The following MAP3K13 variants were observed in gnomAD, a reference collection of about 807,000 sequenced individuals.
MAP3K13 encodes the protein mitogen-activated protein kinase kinase kinase 13.
MAP3K13 carries 52 observed loss-of-function variants against 104.0 expected under a neutral mutation model. That is an observed-to-expected ratio of 0.50 (90% confidence interval 0.40 to 0.63). The LOEUF (loss-of-function observed/expected upper bound fraction) is 0.63, where lower values mean the gene tolerates loss of function less well. Ranked by LOEUF, MAP3K13 falls within the 20% of genes least tolerant of loss-of-function variation. MAP3K13 has a pLI of 0.00. For missense variants in MAP3K13, 914 were observed against 1,218.5 expected (o/e 0.75, Z 3.72); for synonymous variants, 394 against 442.2 (o/e 0.89, Z 1.37).
intron 1 of MAP3K13, among the ~76,000 whole-genome samples, chr3:185,384,190 A>C (rs10937217): frequency 0.87 from 132,932 of 152,154 alleles, 58,309 homozygotes; most frequent in African/African-American, 0.9. Flanking sequence ...TGAATGAGAA[A>C]ACCTGGTATT....
chr3:185,287,325 T>C (rs1038640935), intron 2 of MAP3K13, among the ~76,000 whole-genome samples: 11 of 152,240 alleles, frequency 7.2e-5, no homozygotes, highest in Non-Finnish European at 7.3e-5. Flanking sequence ...ACAACTCTTA[T>C]TATTTTACTT....
At chr3:185,448,235 T>G in intron 5 of MAP3K13, 1 of 448,788 alleles carries the variant, frequency 2.2e-6, no homozygotes. Context: ...AATGATCATT[T>G]AGTATAGAAG....
At chr3:185,336,349 C>G (rs1431607220) in intron 2 of MAP3K13, among the ~76,000 whole-genome samples, 1 of 151,962 alleles carries the variant, frequency 6.6e-6, no homozygotes, top group Non-Finnish European at 1.5e-5. Flanking sequence ...CAAGACCAGC[C>G]TGGCCAACAT....
rs777207165 is a variant in MAP3K13 at position 185,285,569 on chromosome 3, A to G, written c.-160A>G. 2.4e-5 allele frequency: 36 copies of G among 1,513,150 alleles called. 1 individual carries two copies. In the South Asian group the frequency reaches 3.4e-4, roughly 14 times the overall value. 93.7% of individuals were successfully genotyped at this position (1,513,150 alleles called of 1,614,324 possible). On this transcript the variant is annotated 5_prime_UTR_variant, in exon 2 of 15. Coordinates refer to the MAP3K13 transcript ENST00000424227. ...TCTAAAATGGACTTCATTTAAAGAA[A>G]CCCACGGACCATTAATGGACAAAAA...
intron 7 of MAP3K13, among the ~76,000 whole-genome samples, chr3:185,456,211 C>G (rs1716735446): frequency 6.6e-6 from 1 of 151,978 alleles, no homozygotes; most frequent in African/African-American, 2.4e-5. Context: ...TACCAAAGTT[C>G]TAACACACCC....
rs1716252002 is a variant in MAP3K13, at chr3:185,454,723, ATGATATATATGATATATATAT to A, written c.1278+3329_1278+3349del. 8.5e-5 allele frequency among the ~76,000 whole-genome samples: 2 copies of A among 23,432 alleles called. 1 individual carries two copies. The highest frequency in any genetic ancestry group is 1.4e-4 in the African/African-American group (2 of 14,148). The allele number at this position is 23,432 out of a possible 152,430, so 15.4% of individuals were successfully genotyped here. A position where few individuals can be genotyped will look rare whatever the true frequency, so the allele number is the denominator to read the frequency against. On this transcript the variant is annotated intron_variant, in intron 7 of 13. Coordinates refer to ENST00000265026, the MANE Select transcript of MAP3K13 (RefSeq NM_004721.5). ...TATATATATCATATATGAGATATAT[ATGATATATATGATATATATAT>A]CATATATATGAGATATATATGACAT... is the stretch of plus-strand genomic sequence containing the variant.
At chr3:185,463,419 T>C (rs762420937) in intron 7 of MAP3K13, 131 bp from the exon 8 acceptor site, 38 of 583,864 alleles carry the variant, frequency 6.5e-5, no homozygotes, top group Non-Finnish European at 1.1e-4. Flanking sequence ...ATCATATTTA[T>C]TGAACATCTA....
In MAP3K13 at chr3:185,456,422, A is replaced by G. The variant is rs141846810; in HGVS notation, c.1278+5027A>G. 3.2e-3 allele frequency among the ~76,000 whole-genome samples: 486 copies of G among 152,226 alleles called. 2 individuals carry two copies. Among genetic ancestry groups the G allele is most frequent in the African/African-American group, 0.011 (455 of 41,536 alleles). ...CATTCAGATCAATTCCCTTAGCACT[A>G]TCGCCCATCTGTTCAGATACATGTA... is the stretch of plus-strand genomic sequence containing the variant. On this transcript the variant is annotated intron_variant, in intron 7 of 13. Coordinates refer to ENST00000265026, the MANE Select transcript of MAP3K13 (RefSeq NM_004721.5).
At chr3:185,429,318 G>T (rs1714614649) in intron 2 of MAP3K13, among the ~76,000 whole-genome samples, 1 of 152,016 alleles carries the variant, frequency 6.6e-6, no homozygotes, top group South Asian at 2.1e-4. Flanking sequence ...CAATCCATGG[G>T]ATTATAAGAA....
At position 185,365,404 on chromosome 3, in the gene MAP3K13, A is replaced by G. The variant is rs145512320; in HGVS notation, c.-86+2036A>G. Among the ~76,000 whole-genome samples, 263 of 152,340 alleles carry G rather than the reference A, an allele frequency of 1.7e-3. 8 individuals carry two copies. In the South Asian group the frequency reaches 0.018, roughly 10 times the overall value. On this transcript the variant is annotated intron_variant, in intron 1 of 13. Transcript: ENST00000265026. Reference sequence around the variant, plus strand: ...TCAAACCAGAGCCATGTCCTGGGGAACTGTCAAAAGAATGGTTCCTAAGGG... The same window carrying G: ...TCAAACCAGAGCCATGTCCTGGGGAGCTGTCAAAAGAATGGTTCCTAAGGG...
chr3:185,447,789 T>C lies in MAP3K13; in HGVS notation c.852T>C (p.Asn284=). 6.3e-7 allele frequency: 1 copy of C among 1,594,040 alleles called. No homozygotes were observed. Among genetic ancestry groups the C allele is most frequent in the Non-Finnish European group, 8.5e-7 (1 of 1,172,888 alleles). Residue 284 remains asparagine, a splice_region_variant and synonymous_variant, in exon 5 of 14, where the codon AAT becomes AAC. Transcript: ENST00000265026. ...KIIHRDLKSP[N]VLVTHTDAVK... ...GTTTTCTTTTTATTTCTTTTTAAAG[T>C]GTTTTAGTGACCCACACAGATGCGG...
chr3:185,337,394 A>G (rs1722545184), intron 2 of MAP3K13, among the ~76,000 whole-genome samples: 1 of 152,252 alleles, frequency 6.6e-6, no homozygotes, highest in Admixed American at 6.5e-5. Context: ...CTTTTCTCTA[A>G]TTTTCAATAA....
chr3:185,474,794 T>G (rs993227757), intron 11 of MAP3K13, among the ~76,000 whole-genome samples: 6 of 152,036 alleles, frequency 3.9e-5, no homozygotes, highest in Non-Finnish European at 8.8e-5. Context: ...CAGACAGACC[T>G]TACTTTAAAG....
chr3:185,476,098 C>G (rs57070032), intron 11 of MAP3K13, among the ~76,000 whole-genome samples: 71,555 of 151,842 alleles, frequency 0.47, 17,106 homozygotes, highest in Middle Eastern at 0.53. Context: ...AGAAAGAAAC[C>G]CCACACCCTT....
chr3:185,288,047 T>C (rs779343273), intron 2 of MAP3K13, among the ~76,000 whole-genome samples: 13 of 152,144 alleles, frequency 8.5e-5, no homozygotes, highest in Non-Finnish European at 1.5e-4. Context: ...ATATAGTCAT[T>C]TCTGTTAAAT....
intron 10 of MAP3K13, among the ~76,000 whole-genome samples, chr3:185,471,369 C>G (rs570840515): frequency 1.5e-5 from 2 of 133,634 alleles, no homozygotes; most frequent in East Asian, 4.6e-4. Context: ...TGGTCTCAAA[C>G]TCCTGGCCTC....
rs1461127251 is a variant in MAP3K13, at chr3:185,482,463, A to G, written c.*7A>G. 8.8e-6 allele frequency: 14 copies of G among 1,597,892 alleles called. No homozygotes were observed. Among genetic ancestry groups the G allele is most frequent in the Admixed American group, 1.7e-5 (1 of 59,980 alleles). On this transcript the variant is annotated 3_prime_UTR_variant, in exon 14 of 14. Transcript: ENST00000265026. This position sits in a 1 kb window ranked among gnomAD's most constrained non-coding sequence, Gnocchi z 4.5. ...CAGCTCTGCTACCTGGTAATGAAGG[A>G]ATACACATCCTGAAGATCTCGTGAC...
intron 13 of MAP3K13, 47 bp downstream of exon 13, chr3:185,480,576 C>G (rs760286361): frequency 6.3e-7 from 1 of 1,579,102 alleles, no homozygotes; most frequent in Non-Finnish European, 8.6e-7. Context: ...CTTTTTTGCT[C>G]TTTGGGGTTC....
intron 7 of MAP3K13, among the ~76,000 whole-genome samples, chr3:185,463,236 A>G (rs1717215761): frequency 6.6e-6 from 1 of 152,182 alleles, no homozygotes; most frequent in Non-Finnish European, 1.5e-5. Context: ...ATCTTGCCTT[A>G]AAGTGAACTC....
Sources: gnomAD v4.1 joint callset for allele counts (sites outside exome capture counted in the v4.1 genomes callset) on GRCh38, gnomAD v4.1.1 for gene constraint, Gnocchi (gnomAD v3.1) non-coding constraint, MANE v1.5 for transcripts, NCBI Gene and HGNC (gene_info 2026-07-23, HGNC 2026-07-21) for gene names.